Variants in SGCZ observed in about 807,000 individuals in gnomAD.
The protein encoded by SGCZ is zeta-sarcoglycan.
A neutral mutation model predicts 41.3 loss-of-function variants in SGCZ; 40 were observed. The observed-to-expected ratio is 0.97, with a 90% CI of 0.75 to 1.26. SGCZ has a LOEUF of 1.26. SGCZ is among the 50% of genes most tolerant of loss of function. The pLI is 0.00. For synonymous variants in SGCZ, 206 were observed against 137.5 expected, an observed-to-expected ratio of 1.50 and a Z score of -3.49; for missense variants, 552 against 369.8, an observed-to-expected ratio of 1.49 and a Z score of -4.04.
intron 1 of SGCZ, among the ~76,000 whole-genome samples, chr8:14,946,412 C>T (rs1372446324): frequency 4.6e-5 from 7 of 151,978 alleles, no homozygotes; most frequent in African/African-American, 1.4e-4. Flanking sequence ...TTTCTAACTG[C>T]CCTGTAGCCA....
At chr8:15,231,814 G>A (rs148005441) in intron 1 of SGCZ, among the ~76,000 whole-genome samples, 2 of 151,620 alleles carry the variant, frequency 1.3e-5, no homozygotes, top group Admixed American at 6.6e-5. Context: ...TAGAAACAGG[G>A]TTTCACCGTG....
intron 1 of SGCZ, among the ~76,000 whole-genome samples, chr8:15,157,762 T>G (rs1799376484): frequency 6.6e-6 from 1 of 152,320 alleles, no homozygotes; most frequent in African/African-American, 2.4e-5. Context: ...GACCTAGCAC[T>G]TAGCACTACT....
intron 3 of SGCZ, among the ~76,000 whole-genome samples, chr8:14,253,712 T>C (rs1183639104): frequency 6.6e-6 from 1 of 152,166 alleles, no homozygotes; most frequent in African/African-American, 2.4e-5. Context: ...TATTTATATA[T>C]GTAACATAAA....
intron 3 of SGCZ, among the ~76,000 whole-genome samples, chr8:14,295,289 G>A (rs984439517): frequency 6.6e-6 from 1 of 152,124 alleles, no homozygotes; most frequent in African/African-American, 2.4e-5. Context: ...AATGCAAGAT[G>A]GATGAATCTC....
intron 2 of SGCZ, among the ~76,000 whole-genome samples, chr8:14,534,727 T>A (rs1400868266): frequency 6.6e-6 from 1 of 152,002 alleles, no homozygotes; most frequent in Admixed American, 6.6e-5. Flanking sequence ...AAACCAAGTA[T>A]AAACTCATTG....
chr8:14,612,674 TTTTTGTTTTG>T lies in SGCZ; in HGVS notation c.40-57758_40-57749del, dbSNP rs539315427. Among the ~76,000 whole-genome samples the T allele has an allele frequency of 1.4e-3, 213 of 152,046 alleles. 1 individual carries two copies. The highest frequency in any genetic ancestry group is 4.8e-3 in the African/African-American group (198 of 41,448). On this transcript the variant is annotated intron_variant, in intron 1 of 7. Coordinates refer to ENST00000382080, the MANE Select transcript of SGCZ (RefSeq NM_139167.4). ...CAGGAAGGAGTTGTGTTTTTTTGTT[TTTTTGTTTTG>T]TTTTGTTTTGTTTTGTTTTTTTAAA...
intron 1 of SGCZ, among the ~76,000 whole-genome samples, chr8:15,028,318 G>T (rs899435459): frequency 6.7e-6 from 1 of 150,094 alleles, no homozygotes; most frequent in African/African-American, 2.5e-5. Context: ...GACGTCTTTC[G>T]AAGTTGAAGT....
intron 5 of SGCZ, among the ~76,000 whole-genome samples, chr8:14,146,890 A>AAAAAAT (rs1182329393): frequency 8.6e-6 from 1 of 116,182 alleles, no homozygotes; most frequent in African/African-American, 3.6e-5. Flanking sequence ...AAAATAAAAA[A>AAAAAAT]AATAATAATA....
chr8:15,149,167 A>G lies in SGCZ; in HGVS notation c.39+88418T>C, dbSNP rs139217616. Among the ~76,000 whole-genome samples, 1,274 of 151,166 alleles carry G rather than the reference A, an allele frequency of 8.4e-3. 11 individuals carry two copies. The highest frequency in any genetic ancestry group is 0.029 in the African/African-American group (1,201 of 41,230). On this transcript the variant is annotated intron_variant, in intron 1 of 7. Coordinates refer to ENST00000382080, the MANE Select transcript of SGCZ (RefSeq NM_139167.4). ...CTGGAAACCAGGCTGGAAAGGAGCC[A>G]TTATTCTTATTTTTTTTTATTATTG...
chr8:14,342,464 C>T (rs961564118), intron 2 of SGCZ, among the ~76,000 whole-genome samples: 20 of 151,954 alleles, frequency 1.3e-4, no homozygotes, highest in Middle Eastern at 3.2e-3. Context: ...TACAGGTGCC[C>T]GCCATCACGC....
In SGCZ at chr8:15,112,573, C is replaced by T. The variant is rs189286049; in HGVS notation, c.39+125012G>A. Among the ~76,000 whole-genome samples the T allele has an allele frequency of 1.5e-3, 231 of 152,296 alleles. 2 individuals carry two copies. Among genetic ancestry groups the T allele is most frequent in the Non-Finnish European group, 2.4e-3 (163 of 68,020 alleles). Reference sequence around the variant, plus strand: ...AAAATAAGTGGAAAAGTAATGTGTCCGTTTCTGGGCCCAGGCCTTAATACA... The same window carrying T: ...AAAATAAGTGGAAAAGTAATGTGTCTGTTTCTGGGCCCAGGCCTTAATACA... On this transcript the variant is annotated intron_variant, in intron 1 of 7. Transcript: ENST00000382080.
rs535878424 is a variant in SGCZ, at chr8:15,204,456, A to C, written c.39+33129T>G. ...TTTTTATCACCCACCCACCAATAAA[A>C]CACCTATACTTCAGTCAAATTGGGC... On this transcript the variant is annotated intron_variant, in intron 1 of 7. Coordinates refer to ENST00000382080, the MANE Select transcript of SGCZ (RefSeq NM_139167.4). Among the ~76,000 whole-genome samples the C allele has an allele frequency of 5.3e-5, 8 of 152,292 alleles. No homozygotes were observed. In the South Asian group the frequency reaches 1.7e-3, roughly 32 times the overall value.
At chr8:14,118,123 G>T (rs910610198) in intron 5 of SGCZ, among the ~76,000 whole-genome samples, 1 of 151,958 alleles carries the variant, frequency 6.6e-6, no homozygotes, top group African/African-American at 2.4e-5. Context: ...TAGGTCAAAT[G>T]GTATTTCTAG....
At chr8:14,264,586 GGCGAT>G (rs1563221427) in intron 3 of SGCZ, among the ~76,000 whole-genome samples, 2 of 152,144 alleles carry the variant, frequency 1.3e-5, no homozygotes, top group African/African-American at 4.8e-5. Context: ...AGCATTATCT[GGCGAT>G]GATACAGAGG....
At chr8:14,889,975 A>C (rs1337599633) in intron 1 of SGCZ, among the ~76,000 whole-genome samples, 1 of 151,986 alleles carries the variant, frequency 6.6e-6, no homozygotes, top group Non-Finnish European at 1.5e-5. Context: ...CTCCTGCACC[A>C]AGGGAGGCCA....
chr8:14,494,714 C>G (rs1801940970), intron 2 of SGCZ, among the ~76,000 whole-genome samples: 1 of 152,138 alleles, frequency 6.6e-6, no homozygotes, highest in South Asian at 2.1e-4. Flanking sequence ...AGAAGATCAG[C>G]CTTAACTACA....
intron 1 of SGCZ, among the ~76,000 whole-genome samples, chr8:14,825,828 T>A (rs1465688534): frequency 6.6e-6 from 1 of 152,188 alleles, no homozygotes; most frequent in Non-Finnish European, 1.5e-5. Flanking sequence ...CTGGCTTATT[T>A]CACTTAACAT....
At chr8:14,849,810 T>G (rs1007929073) in intron 1 of SGCZ, among the ~76,000 whole-genome samples, 2 of 152,164 alleles carry the variant, frequency 1.3e-5, no homozygotes, top group Non-Finnish European at 2.9e-5. Context: ...AAAGTTGTTA[T>G]AAGAAAAAAA....
At chr8:15,184,974 G>C (rs1304039602) in intron 1 of SGCZ, among the ~76,000 whole-genome samples, 1 of 152,096 alleles carries the variant, frequency 6.6e-6, no homozygotes, top group Non-Finnish European at 1.5e-5. Context: ...TAGGCAATTA[G>C]ACTGTAAATG....
Sources: gnomAD v4.1 joint callset for allele counts (sites outside exome capture counted in the v4.1 genomes callset) on GRCh38, gnomAD v4.1.1 for gene constraint, MANE v1.5 for transcripts, NCBI Gene and HGNC (gene_info 2026-07-23, HGNC 2026-07-21) for gene names.